Variants in NPAS3 observed in about 807,000 individuals in gnomAD.
The protein encoded by NPAS3 is neuronal PAS domain protein 3.
In NPAS3, 14 loss-of-function variants were observed where a neutral mutation model predicts 73.1. The observed-to-expected ratio is 0.19, with a 90% CI of 0.13 to 0.30. The LOEUF (loss-of-function observed/expected upper bound fraction) is 0.30, where lower values mean the gene tolerates loss of function less well. Among genes scored for constraint, NPAS3 ranks in the 10% least tolerant of loss-of-function variants. NPAS3 has a pLI of 1.00. For missense variants in NPAS3, 1,096 were observed against 1,250.0 expected (o/e 0.88, Z 1.86); for synonymous variants, 620 against 541.5 (o/e 1.14, Z -2.01).
At chr14:33,455,179 A>G (rs2049971547) in intron 4 of NPAS3, among the ~76,000 whole-genome samples, 2 of 152,226 alleles carry the variant, frequency 1.3e-5, no homozygotes, top group Admixed American at 6.5e-5. Context: ...GAAAGTAAAA[A>G]CAAAACAAAC....
intron 4 of NPAS3, among the ~76,000 whole-genome samples, chr14:33,490,076 A>C (rs10130019): frequency 0.048 from 7,289 of 152,204 alleles, 200 homozygotes; most frequent in Admixed American, 0.071. Flanking sequence ...TCTTTTTATC[A>C]AGAAAAAAGT....
At chr14:33,669,775 T>C (rs2059558975) in intron 5 of NPAS3, among the ~76,000 whole-genome samples, 1 of 152,236 alleles carries the variant, frequency 6.6e-6, no homozygotes, top group African/African-American at 2.4e-5. Flanking sequence ...CCCGACAGTC[T>C]GCTTTGTTCT....
intron 6 of NPAS3, among the ~76,000 whole-genome samples, chr14:33,732,644 A>G (rs1055187737): frequency 6.6e-6 from 1 of 152,186 alleles, no homozygotes; most frequent in Admixed American, 6.5e-5. Context: ...TGGACTCTCC[A>G]TACCACATGC....
intron 1 of NPAS3, among the ~76,000 whole-genome samples, chr14:33,009,076 A>C (rs935692167): frequency 1.3e-5 from 2 of 152,154 alleles, no homozygotes; most frequent in African/African-American, 4.8e-5. Context: ...ACAACGTAAA[A>C]ATAATCTTGT....
intron 1 of NPAS3, among the ~76,000 whole-genome samples, chr14:33,034,385 A>T (rs2040094238): frequency 6.6e-6 from 1 of 151,834 alleles, no homozygotes; most frequent in African/African-American, 2.4e-5. Flanking sequence ...ACTTGTTGGT[A>T]TAAATAAACC....
intron 1 of NPAS3, among the ~76,000 whole-genome samples, chr14:32,984,326 C>G (rs1221603990): frequency 6.6e-6 from 1 of 152,130 alleles, no homozygotes; most frequent in Non-Finnish European, 1.5e-5. Flanking sequence ...GAGCAATGTG[C>G]TTATATAAAT....
rs533790260 is a variant in NPAS3 at position 33,457,107 on chromosome 14, C to T, written c.468+89839C>T. On this transcript the variant is annotated intron_variant, in intron 4 of 11. Transcript: ENST00000356141. ...CAAAGGATTAATGCCAGGTGAAGGGCGAGTCGCCGTCCAAATATTTATCTG... is the reference window on the plus strand; with the variant it reads ...CAAAGGATTAATGCCAGGTGAAGGGTGAGTCGCCGTCCAAATATTTATCTG... Among the ~76,000 whole-genome samples the T allele has an allele frequency of 4.9e-4, 74 of 152,280 alleles. 1 individual carries two copies. In the South Asian group the frequency reaches 0.014, roughly 29 times the overall value.
intron 3 of NPAS3, among the ~76,000 whole-genome samples, chr14:33,279,755 ATCTTGC>A (rs1566752718): frequency 6.6e-6 from 1 of 152,146 alleles, no homozygotes; most frequent in African/African-American, 2.4e-5. Context: ...AATAGTTGGG[ATCTTGC>A]ATTATGTAAT....
At chr14:33,690,889 C>T (rs926841211) in intron 6 of NPAS3, among the ~76,000 whole-genome samples, 1 of 118,298 alleles carries the variant, frequency 8.5e-6, no homozygotes, top group Non-Finnish European at 1.8e-5. Context: ...AAAAAAAAAA[C>T]GATTCGTTAA....
At chr14:33,116,489 T>C (rs17539349) in intron 2 of NPAS3, among the ~76,000 whole-genome samples, 8,609 of 152,246 alleles carry the variant, frequency 0.057, 366 homozygotes, top group Admixed American at 0.087. Context: ...AGACTGCATA[T>C]GCATTTCTTC....
In NPAS3 at chr14:33,800,936, C is replaced by G; in HGVS notation, c.2629C>G (p.His877Asp). 1.2e-6 allele frequency: 2 copies of G among 1,607,538 alleles called. No homozygotes were observed. Among genetic ancestry groups the G allele is most frequent in the Non-Finnish European group, 1.7e-6 (2 of 1,177,472 alleles). Residue 877 changes from histidine (H) to aspartate (D), a missense_variant, in exon 12 of 12, where the codon CAC becomes GAC. By Grantham distance (81) the His-to-Asp change is moderately conservative. This residue lies in a region of NPAS3 where 698 missense variants were observed against 676.7 expected (regional missense o/e 1.03). Coordinates refer to ENST00000356141, the Ensembl canonical transcript of NPAS3. This position sits in a 1 kb window ranked among gnomAD's most constrained non-coding sequence, Gnocchi z 6.5. Reference sequence around the variant, plus strand: ...CATGGAGATGCTCTACCACCACGTGCACCGGCTCAACATGTCAGGACCGTT... The same window carrying G: ...CATGGAGATGCTCTACCACCACGTGGACCGGCTCAACATGTCAGGACCGTT...
intron 3 of NPAS3, among the ~76,000 whole-genome samples, chr14:33,223,095 A>G (rs1480789740): frequency 6.6e-6 from 1 of 152,132 alleles, no homozygotes; most frequent in Non-Finnish European, 1.5e-5. Flanking sequence ...GGATCACCTG[A>G]GATCAGGAGT....
At chr14:33,666,685 C>T (rs1042101813) in intron 5 of NPAS3, among the ~76,000 whole-genome samples, 18 of 152,054 alleles carry the variant, frequency 1.2e-4, no homozygotes, top group African/African-American at 4.1e-4. Flanking sequence ...TGTTTTTCTT[C>T]TCTCTCCAAA....
intron 3 of NPAS3, among the ~76,000 whole-genome samples, chr14:33,363,085 C>T (rs563914508): frequency 1.3e-5 from 2 of 152,252 alleles, no homozygotes; most frequent in Non-Finnish European, 2.9e-5. Flanking sequence ...ACCGAGCTGT[C>T]CTGCTTCTGT....
chr14:33,633,613 C>T (rs1409649519), intron 5 of NPAS3, among the ~76,000 whole-genome samples: 2 of 152,152 alleles, frequency 1.3e-5, no homozygotes, highest in African/African-American at 2.4e-5. Flanking sequence ...TGTATCTAAA[C>T]ATAGAAAAGG....
intron 5 of NPAS3, among the ~76,000 whole-genome samples, chr14:33,666,445 G>A (rs554484999): frequency 6.6e-5 from 10 of 152,158 alleles, no homozygotes; most frequent in African/African-American, 7.2e-5. Flanking sequence ...AGTGTGAATC[G>A]TGAACTAGCA....
intron 3 of NPAS3, among the ~76,000 whole-genome samples, chr14:33,361,210 C>T (rs1018785007): frequency 1.4e-4 from 22 of 152,108 alleles, no homozygotes; most frequent in East Asian, 3.9e-4. Context: ...ATGGAAACTT[C>T]GTACTAAGAG....
At chr14:33,329,502 G>A (rs1478597337) in intron 3 of NPAS3, among the ~76,000 whole-genome samples, 3 of 152,274 alleles carry the variant, frequency 2.0e-5, no homozygotes, top group Non-Finnish European at 2.9e-5. Context: ...CAAAGCAGCC[G>A]AGGGGAAGCA....
At chr14:33,363,922 C>CTGTGTGTGTGTGTG (rs10627532) in intron 3 of NPAS3, among the ~76,000 whole-genome samples, 4,853 of 148,816 alleles carry the variant, frequency 0.033, 104 homozygotes, top group Non-Finnish European at 0.042. Context: ...GCAATGCCCT[C>CTGTGTGTGTGTGTG]TGTGTGTGTG....
Sources: gnomAD v4.1 joint callset for allele counts (sites outside exome capture counted in the v4.1 genomes callset) on GRCh38, gnomAD v4.1.1 for gene constraint, gnomAD v4.1.1 regional missense constraint, Gnocchi (gnomAD v3.1) non-coding constraint, MANE v1.5 for transcripts, NCBI Gene and HGNC (gene_info 2026-07-23, HGNC 2026-07-21) for gene names.